Variants in SLIT3 observed in about 807,000 individuals in gnomAD.
SLIT3 encodes slit homolog 3 protein.
A neutral mutation model predicts 184.0 loss-of-function variants in SLIT3; 68 were observed. That is an observed-to-expected ratio of 0.37 (90% CI 0.30 to 0.45). SLIT3 has a LOEUF of 0.45. SLIT3 is among the 20% of genes least tolerant of loss of function. The pLI is 1.00. For missense variants in SLIT3, 1,707 were observed against 2,026.0 expected (o/e 0.84, Z 3.02); for synonymous variants, 831 against 828.6 (o/e 1.00, Z -0.05).
rs551179428 is a variant in SLIT3 at position 169,090,927 on chromosome 5, G to A, written c.413+102552C>T. ...CTGTTATCTTAAGCTACAAGTCTGTGTATTGTGCTCCTCCATCGTATTCCC... is the reference window on the plus strand; with the variant it reads ...CTGTTATCTTAAGCTACAAGTCTGTATATTGTGCTCCTCCATCGTATTCCC... On this transcript the variant is annotated intron_variant, in intron 4 of 35. Coordinates refer to ENST00000519560, the MANE Select transcript of SLIT3 (RefSeq NM_003062.4). 1.8e-4 allele frequency among the ~76,000 whole-genome samples: 27 copies of A among 152,358 alleles called. No individual in the cohort carries two copies. In the South Asian group the frequency reaches 5.2e-3, roughly 29 times the overall value.
chr5:168,745,108 A>G (rs1763759688), intron 20 of SLIT3, among the ~76,000 whole-genome samples: 1 of 152,186 alleles, frequency 6.6e-6, no homozygotes, highest in African/African-American at 2.4e-5. Flanking sequence ...GTTGACTCCA[A>G]CCATATGGAT....
chr5:168,813,600 A>AG (rs1757238034), intron 8 of SLIT3, among the ~76,000 whole-genome samples: 1 of 152,216 alleles, frequency 6.6e-6, no homozygotes, highest in African/African-American at 2.4e-5. Flanking sequence ...CCCAATACCC[A>AG]GGGGAAGAAA....
chr5:169,194,990 TA>T (rs1763692745), intron 3 of SLIT3, among the ~76,000 whole-genome samples: 1 of 152,054 alleles, frequency 6.6e-6, no homozygotes, highest in Non-Finnish European at 1.5e-5. Context: ...AAACCATGAT[TA>T]AAGCATACAC....
intron 16 of SLIT3, among the ~76,000 whole-genome samples, chr5:168,758,803 T>C (rs1431660379): frequency 1.3e-5 from 2 of 152,058 alleles, no homozygotes; most frequent in African/African-American, 2.4e-5. Flanking sequence ...GGAGCATGGG[T>C]AATGAGAAAA....
chr5:168,990,081 C>T (rs77564216), intron 4 of SLIT3, among the ~76,000 whole-genome samples: 2,425 of 152,256 alleles, frequency 0.016, 58 homozygotes, highest in African/African-American at 0.054. Flanking sequence ...AGTTCCATTC[C>T]CCTGAAGATG....
Position 169,251,461 on chromosome 5 carries a change from T to C in SLIT3, c.198-2A>G. 6.2e-7 allele frequency: 1 copy of C among 1,609,032 alleles called. No individual in the cohort carries two copies. On this transcript the variant is annotated splice_acceptor_variant, in intron 1 of 35. Transcript: ENST00000519560. LOFTEE classifies it high-confidence loss of function. ...GTGATATTATTTCTGTCCAGGTCAC[T>C]GCAATGGAGAGCAAATTCAGGTCAG...
intron 4 of SLIT3, among the ~76,000 whole-genome samples, chr5:169,189,528 AT>A (rs1208925654): frequency 2.0e-3 from 1 of 506 alleles, no homozygotes; most frequent in African/African-American, 8.9e-3. Context: ...GATAGATGGG[AT>A]ATATATATAT....
chr5:168,884,624 A>G (rs2113794575), intron 4 of SLIT3, among the ~76,000 whole-genome samples: 1 of 135,944 alleles, frequency 7.4e-6, no homozygotes, highest in East Asian at 2.2e-4. Context: ...GTCTATTATA[A>G]CCTATTATTT....
chr5:168,886,188 C>T (rs1023073268), intron 4 of SLIT3, among the ~76,000 whole-genome samples: 4 of 152,152 alleles, frequency 2.6e-5, no homozygotes, highest in Non-Finnish European at 4.4e-5. Flanking sequence ...TTGAGCTTCC[C>T]TTCTCCGGCT....
At chr5:168,856,804 TGTGC>T (rs778424976) in intron 5 of SLIT3, among the ~76,000 whole-genome samples, 188 of 138,272 alleles carry the variant, frequency 1.4e-3, no homozygotes, top group Non-Finnish European at 1.5e-3. Context: ...TGTGTGTGTG[TGTGC>T]GCGCGCGCGC....
intron 4 of SLIT3, among the ~76,000 whole-genome samples, chr5:169,060,599 T>C (rs1758144864): frequency 6.6e-6 from 1 of 152,208 alleles, no homozygotes; most frequent in Admixed American, 6.5e-5. Flanking sequence ...AACTGGGGTG[T>C]GAGCGTCATT....
At chr5:169,020,548 TGA>T (rs953611286) in intron 4 of SLIT3, among the ~76,000 whole-genome samples, 1 of 152,236 alleles carries the variant, frequency 6.6e-6, no homozygotes, top group Non-Finnish European at 1.5e-5. Context: ...GGTCTTTATC[TGA>T]GAGAGAAATA....
chr5:168,845,417 T>C (rs1226507577), intron 5 of SLIT3, among the ~76,000 whole-genome samples: 1 of 152,206 alleles, frequency 6.6e-6, no homozygotes, highest in Non-Finnish European at 1.5e-5. Context: ...GAAGAAGGAA[T>C]ATCGTTATTG....
At chr5:168,921,125 T>C (rs1302786007) in intron 4 of SLIT3, among the ~76,000 whole-genome samples, 1 of 152,162 alleles carries the variant, frequency 6.6e-6, no homozygotes, top group African/African-American at 2.4e-5. Context: ...TCATCTGACA[T>C]GTGGAAAGGA....
At chr5:169,025,941 G>A (rs563833832) in intron 4 of SLIT3, among the ~76,000 whole-genome samples, 2 of 152,154 alleles carry the variant, frequency 1.3e-5, no homozygotes, top group African/African-American at 4.8e-5. Flanking sequence ...ATAGCCACCT[G>A]CGATTTCCCA....
At chr5:168,894,106 T>A (rs181970959) in intron 4 of SLIT3, among the ~76,000 whole-genome samples, 1 of 152,328 alleles carries the variant, frequency 6.6e-6, no homozygotes, top group African/African-American at 2.4e-5. Context: ...CAAGGTGGTC[T>A]TTTTTAACTC....
chr5:169,032,142 C>A (rs1352727375), intron 4 of SLIT3, among the ~76,000 whole-genome samples: 2 of 152,066 alleles, frequency 1.3e-5, no homozygotes, highest in African/African-American at 4.8e-5. Context: ...TATTAGGATG[C>A]CTAATTCATG....
At chr5:169,060,619 T>G (rs1244120207) in intron 4 of SLIT3, among the ~76,000 whole-genome samples, 2 of 151,970 alleles carry the variant, frequency 1.3e-5, no homozygotes, top group African/African-American at 2.4e-5. Flanking sequence ...TAGCTGGGAG[T>G]CTGCATCAGG....
chr5:169,231,129 T>C (rs1581082250), intron 3 of SLIT3, among the ~76,000 whole-genome samples: 2 of 152,326 alleles, frequency 1.3e-5, no homozygotes, highest in Middle Eastern at 6.8e-3. Flanking sequence ...CCCATATCTG[T>C]ATGGGTTTTC....
Sources: gnomAD v4.1 joint callset for allele counts (sites outside exome capture counted in the v4.1 genomes callset) on GRCh38, gnomAD v4.1.1 for gene constraint, MANE v1.5 for transcripts, NCBI Gene and HGNC (gene_info 2026-07-23, HGNC 2026-07-21) for gene names.